The following ZNF804B variants were observed in gnomAD, a reference collection of about 807,000 sequenced individuals.
ZNF804B encodes the protein zinc finger protein 804B.
Under a neutral mutation model 101.4 loss-of-function variants are expected in ZNF804B, and 80 were observed. The ratio of observed to expected loss-of-function variants is 0.79; its 90% CI spans 0.66 to 0.95. The LOEUF is 0.95. Ranked by LOEUF, ZNF804B falls within the 40% of genes least tolerant of loss-of-function variation. ZNF804B has a pLI of 0.00. For missense variants in ZNF804B, 1,673 were observed against 1,561.9 expected, an observed-to-expected ratio of 1.07 and a Z score of -1.20; for synonymous variants, 622 against 558.8, an observed-to-expected ratio of 1.11 and a Z score of -1.59.
At chr7:89,301,123 G>A (rs1471240423) in intron 2 of ZNF804B, among the ~76,000 whole-genome samples, 2 of 34,632 alleles carry the variant, frequency 5.8e-5, no homozygotes, top group African/African-American at 2.0e-4. Context: ...TTTTTTTTTT[G>A]GTGGTGGTTC....
Position 88,816,060 on chromosome 7 carries a change from G to A in ZNF804B, c.108+55976G>A, listed in dbSNP as rs554961898. On this transcript the variant is annotated intron_variant, in intron 1 of 3. Coordinates refer to ENST00000333190, the MANE Select transcript of ZNF804B (RefSeq NM_181646.5). ...AGGCAATTCCTCCCTCTTTTGGCAGGATATCCTCCGCACCCAACTTCAAAT... is the reference window on the plus strand; with the variant it reads ...AGGCAATTCCTCCCTCTTTTGGCAGAATATCCTCCGCACCCAACTTCAAAT... 2.0e-5 allele frequency among the ~76,000 whole-genome samples: 3 copies of A among 152,008 alleles called. No homozygotes were observed. The South Asian group carries it at 6.2e-4, about 32-fold the overall frequency.
At chr7:89,163,082 G>A (rs886792056) in intron 1 of ZNF804B, among the ~76,000 whole-genome samples, 1 of 151,940 alleles carries the variant, frequency 6.6e-6, no homozygotes, top group Non-Finnish European at 1.5e-5. Context: ...TATAGTTAAA[G>A]CCACAGATTT....
intron 1 of ZNF804B, among the ~76,000 whole-genome samples, chr7:88,904,182 A>G (rs1440015552): frequency 6.6e-6 from 1 of 152,154 alleles, no homozygotes; most frequent in Non-Finnish European, 1.5e-5. Flanking sequence ...CTAGTCAGGT[A>G]TCCCAACAAC....
chr7:89,144,487 T>G (rs868075455), intron 1 of ZNF804B, among the ~76,000 whole-genome samples: 16 of 151,970 alleles, frequency 1.1e-4, no homozygotes, highest in African/African-American at 3.6e-4. Flanking sequence ...ATATAGAGAA[T>G]TAGAAAAAGT....
Position 89,117,629 on chromosome 7 carries a change from TG to T in ZNF804B, c.109-100525del, listed in dbSNP as rs140411102. ...AAATCTCAAACGGTTTAAATTGTGA[TG>T]CCTTTTTAGCCATAATGTTGATGCT... On this transcript the variant is annotated intron_variant, in intron 1 of 3. Coordinates refer to ENST00000333190, the MANE Select transcript of ZNF804B (RefSeq NM_181646.5). Among the ~76,000 whole-genome samples the T allele has an allele frequency of 7.7e-3, 1,167 of 152,334 alleles. 10 individuals carry two copies. The highest frequency in any genetic ancestry group is 0.026 in the African/African-American group (1,100 of 41,588).
At chr7:89,129,053 A>G (rs28390112) in intron 1 of ZNF804B, among the ~76,000 whole-genome samples, 304 of 152,086 alleles carry the variant, frequency 2.0e-3, no homozygotes, top group African/African-American at 7.0e-3. Context: ...TTCCAGGGAC[A>G]GGCCTAGAAC....
intron 2 of ZNF804B, among the ~76,000 whole-genome samples, chr7:89,233,582 G>C (rs976525181): frequency 6.6e-6 from 1 of 152,028 alleles, no homozygotes; most frequent in African/African-American, 2.4e-5. Flanking sequence ...TGTGGGGGTG[G>C]GCTTCAGTTT....
intron 1 of ZNF804B, among the ~76,000 whole-genome samples, chr7:89,097,870 C>A (rs140006566): frequency 1.3e-5 from 2 of 152,110 alleles, no homozygotes; most frequent in African/African-American, 2.4e-5. Context: ...AAATGCATCA[C>A]CTGCTTTTTT....
At chr7:89,116,413 A>G (rs759274791) in intron 1 of ZNF804B, among the ~76,000 whole-genome samples, 1 of 152,182 alleles carries the variant, frequency 6.6e-6, no homozygotes, top group African/African-American at 2.4e-5. Flanking sequence ...AAATAAAAAG[A>G]CTTTGAAAGA....
chr7:88,946,473 T>C (rs1404248083), intron 1 of ZNF804B, among the ~76,000 whole-genome samples: 1 of 151,998 alleles, frequency 6.6e-6, no homozygotes, highest in East Asian at 1.9e-4. Flanking sequence ...AGCTTTTTGA[T>C]GTGCTGATGG....
intron 1 of ZNF804B, among the ~76,000 whole-genome samples, chr7:89,115,107 T>C (rs1033914076): frequency 2.0e-5 from 3 of 151,406 alleles, no homozygotes; most frequent in Non-Finnish European, 2.9e-5. Flanking sequence ...TAATAGAACA[T>C]AGAGGGATAG....
At position 89,334,273 on chromosome 7, in the gene ZNF804B, G is replaced by T; in HGVS notation, c.1291G>T (p.Ala431Ser). 6.2e-7 allele frequency: 1 copy of T among 1,613,786 alleles called. No homozygotes were observed. The highest frequency in any genetic ancestry group is 1.3e-5 in the African/African-American group (1 of 75,034). Residue 431 changes from alanine to serine, a missense_variant, in exon 4 of 4, where the codon GCA becomes TCA. Ala to Ser is a moderately conservative substitution (Grantham distance 99). Coordinates refer to ENST00000333190, the MANE Select transcript of ZNF804B (RefSeq NM_181646.5). Reference protein sequence around the residue: ...SKNVQRLVKEACTHNVASKPL... With the variant: ...SKNVQRLVKESCTHNVASKPL... The stretch of plus-strand genomic sequence containing the variant: ...AAATGTTCAAAGACTTGTAAAAGAA[G>T]CATGTACCCATAATGTGGCATCTAA...
chr7:89,249,964 A>T (rs866001371), intron 2 of ZNF804B, among the ~76,000 whole-genome samples: 6 of 152,154 alleles, frequency 3.9e-5, no homozygotes, highest in Middle Eastern at 3.4e-3. Context: ...GAGGCTGGTG[A>T]ATCACAAGTT....
chr7:89,327,398 T>C lies in ZNF804B; in HGVS notation c.304T>C (p.Trp102Arg). ...EFARNVASKS[W>R]KDEKKQEKAL... is the part of the protein sequence containing the mutation. ...TGCTCGAAATGTAGCTTCTAAGTCA[T>C]GGAAAGATGAGAAAAAACAAGAAAA... is the stretch of plus-strand genomic sequence containing the variant. Residue 102 changes from tryptophan (W) to arginine (R), a missense_variant, in exon 3 of 4, where the codon TGG (tryptophan) becomes CGG (arginine). Physicochemically the swap from Trp to Arg is moderately radical, Grantham distance 101. Transcript: ENST00000333190. 1.9e-6 allele frequency: 3 copies of C among 1,611,242 alleles called. No individual in the cohort carries two copies. The highest frequency in any genetic ancestry group is 2.5e-6 in the Non-Finnish European group (3 of 1,178,486).
intron 1 of ZNF804B, among the ~76,000 whole-genome samples, chr7:88,869,344 C>A (rs1268448000): frequency 6.6e-6 from 1 of 152,102 alleles, no homozygotes; most frequent in East Asian, 1.9e-4. Context: ...TCTATCAGTG[C>A]TTCAGCTCTC....
intron 1 of ZNF804B, among the ~76,000 whole-genome samples, chr7:88,923,953 T>C (rs1792759572): frequency 6.6e-6 from 1 of 152,154 alleles, no homozygotes; most frequent in Admixed American, 6.6e-5. Context: ...ATATAATTTG[T>C]GTGATCATTC....
chr7:89,153,028 T>C (rs897773969), intron 1 of ZNF804B, among the ~76,000 whole-genome samples: 2 of 152,060 alleles, frequency 1.3e-5, no homozygotes, highest in African/African-American at 2.4e-5. Flanking sequence ...TAAAATAATA[T>C]TATTATAAAC....
At chr7:89,262,874 T>G (rs1363308542) in intron 2 of ZNF804B, among the ~76,000 whole-genome samples, 1 of 152,240 alleles carries the variant, frequency 6.6e-6, no homozygotes, top group Non-Finnish European at 1.5e-5. Flanking sequence ...TTGGACATAT[T>G]TTGGACATTT....
In ZNF804B at chr7:89,036,326, T is replaced by C. The variant is rs746429615; in HGVS notation, c.109-181829T>C. ...TGTAAGAATTGCAGGTAATACTATA[T>C]GTAAGACCCTTAACACTGATGTGCA... On this transcript the variant is annotated intron_variant, in intron 1 of 3. Coordinates refer to ENST00000333190, the MANE Select transcript of ZNF804B (RefSeq NM_181646.5). Among the ~76,000 whole-genome samples, 3 of 151,764 alleles carry C rather than the reference T, an allele frequency of 2.0e-5. No individual in the cohort carries two copies. In the South Asian group the frequency reaches 6.2e-4, roughly 31 times the overall value.
Sources: gnomAD v4.1 joint callset for allele counts (sites outside exome capture counted in the v4.1 genomes callset) on GRCh38, gnomAD v4.1.1 for gene constraint, MANE v1.5 for transcripts, NCBI Gene and HGNC (gene_info 2026-07-23, HGNC 2026-07-21) for gene names.